The following NCKAP5 variants were observed in gnomAD, a reference collection of about 807,000 sequenced individuals.
NCKAP5 encodes nck-associated protein 5.
In NCKAP5, 92 loss-of-function variants were observed where a neutral mutation model predicts 167.0. That is an observed-to-expected ratio of 0.55 (90% CI 0.47 to 0.66). The LOEUF (loss-of-function observed/expected upper bound fraction) is 0.66. Among genes scored for constraint, NCKAP5 ranks in the 30% least tolerant of loss-of-function variants. The pLI, the probability that NCKAP5 is intolerant of heterozygous loss-of-function variation, is 0.00. For synonymous variants in NCKAP5, 891 were observed against 877.4 expected (o/e 1.02, Z -0.27); for missense variants, 2,378 against 2,315.0 (o/e 1.03, Z -0.56).
intron 3 of NCKAP5, among the ~76,000 whole-genome samples, chr2:133,429,159 G>C (rs1689998132): frequency 6.6e-6 from 1 of 152,112 alleles, no homozygotes; most frequent in African/African-American, 2.4e-5. Context: ...ATATTATACA[G>C]GAGTTACAAA....
intron 3 of NCKAP5, among the ~76,000 whole-genome samples, chr2:133,360,439 T>C (rs1293085328): frequency 2.0e-5 from 3 of 151,558 alleles, no homozygotes; most frequent in Non-Finnish European, 3.0e-5. Flanking sequence ...GGGTACCCAG[T>C]GTAGAAATCT....
the NCKAP5 span, among the ~76,000 whole-genome samples, chr2:133,666,020 A>C: frequency 6.6e-6 from 1 of 152,014 alleles, no homozygotes; most frequent in Non-Finnish European, 1.5e-5. Flanking sequence ...GAAAGTAAAA[A>C]TTATCTTCTC....
At chr2:133,336,890 C>T (rs534982983) in intron 3 of NCKAP5, among the ~76,000 whole-genome samples, 83 of 152,310 alleles carry the variant, frequency 5.4e-4, no homozygotes, top group African/African-American at 1.7e-3. Flanking sequence ...TACCGGGTCT[C>T]ACTGCCACAG....
At chr2:133,100,256 C>A (rs568143830) in intron 6 of NCKAP5, among the ~76,000 whole-genome samples, 4 of 152,288 alleles carry the variant, frequency 2.6e-5, no homozygotes, top group Non-Finnish European at 4.4e-5. Flanking sequence ...TGGAGTGGAT[C>A]CCACTTTAAT....
chr2:133,326,592 C>T (rs1315250718), intron 3 of NCKAP5, among the ~76,000 whole-genome samples: 1 of 151,970 alleles, frequency 6.6e-6, no homozygotes, highest in Non-Finnish European at 1.5e-5. Flanking sequence ...AGACATTTTC[C>T]AGCTCTTTAT....
chr2:133,031,481 C>T (rs1425771012), intron 6 of NCKAP5, among the ~76,000 whole-genome samples: 2 of 152,292 alleles, frequency 1.3e-5, no homozygotes, highest in East Asian at 3.9e-4. Flanking sequence ...CCACTGAGGG[C>T]CACATTGCTC....
rs73001159 is a variant in NCKAP5 at position 133,414,204 on chromosome 2, C to T, written c.69+103254G>A. Among the ~76,000 whole-genome samples the T allele has an allele frequency of 4.7e-3, 721 of 152,240 alleles. 12 individuals carry two copies. Among genetic ancestry groups the T allele is most frequent in the African/African-American group, 0.016 (655 of 41,524 alleles). On this transcript the variant is annotated intron_variant, in intron 3 of 19. Transcript: ENST00000409261. ...AAATACTCTGAAATTATTTATGAAA[C>T]AGGTATTAGGTAAGGTCCAATATAC... is the stretch of plus-strand genomic sequence containing the variant.
chr2:133,631,333 T>C, the NCKAP5 span, among the ~76,000 whole-genome samples: 6,637 of 152,306 alleles, frequency 0.044, 462 homozygotes, highest in African/African-American at 0.15. Context: ...CTTTAACTTA[T>C]GCAGTGTAAA....
chr2:132,841,113 T>G (rs1171877714), intron 11 of NCKAP5, among the ~76,000 whole-genome samples: 1 of 152,170 alleles, frequency 6.6e-6, no homozygotes. Flanking sequence ...ATATTGATTT[T>G]AAATATAATA....
chr2:133,038,762 G>A (rs990914645), intron 6 of NCKAP5, among the ~76,000 whole-genome samples: 1 of 151,802 alleles, frequency 6.6e-6, no homozygotes, highest in Non-Finnish European at 1.5e-5. Flanking sequence ...TACCTACTAT[G>A]TACCCAGAAA....
At chr2:133,168,449 C>T (rs71413543) in intron 5 of NCKAP5, among the ~76,000 whole-genome samples, 2 of 151,912 alleles carry the variant, frequency 1.3e-5, no homozygotes, top group Non-Finnish European at 2.9e-5. Flanking sequence ...TTTCATTATA[C>T]AGACTCTCAA....
rs191227984 is a variant in NCKAP5, at chr2:133,202,002, C to A, written c.207+11714G>T. On this transcript the variant is annotated intron_variant, in intron 5 of 19. Coordinates refer to ENST00000409261, the MANE Select transcript of NCKAP5 (RefSeq NM_207363.3). ...TTCAATGCCATCCCCATCAGGCTACCAATGACTTTCTTCACAGAGTTGGAA... is the reference window on the plus strand; with the variant it reads ...TTCAATGCCATCCCCATCAGGCTACAAATGACTTTCTTCACAGAGTTGGAA... Among the ~76,000 whole-genome samples the A allele has an allele frequency of 3.0e-4, 46 of 152,244 alleles. No individual in the cohort carries two copies. In the East Asian group the frequency reaches 7.5e-3, roughly 25 times the overall value.
At chr2:133,396,440 C>A (rs1687735255) in intron 3 of NCKAP5, among the ~76,000 whole-genome samples, 1 of 152,042 alleles carries the variant, frequency 6.6e-6, no homozygotes, top group South Asian at 2.1e-4. Flanking sequence ...AAATGCTTCT[C>A]ATATCACATT....
chr2:133,043,576 C>T (rs1025184798), intron 6 of NCKAP5, among the ~76,000 whole-genome samples: 2 of 152,144 alleles, frequency 1.3e-5, no homozygotes, highest in African/African-American at 2.4e-5. Context: ...CAAATTTGTA[C>T]TGGGCCATAT....
chr2:132,819,056 G>A (rs1442081613), intron 11 of NCKAP5, among the ~76,000 whole-genome samples: 2 of 151,980 alleles, frequency 1.3e-5, no homozygotes, highest in Non-Finnish European at 2.9e-5. Flanking sequence ...TGCATTAAAA[G>A]CATTATTCTG....
At chr2:132,913,235 G>A (rs1487123986) in intron 8 of NCKAP5, among the ~76,000 whole-genome samples, 1 of 152,058 alleles carries the variant, frequency 6.6e-6, no homozygotes, top group Non-Finnish European at 1.5e-5. Flanking sequence ...AATGTTATAT[G>A]TTAATCATGC....
chr2:133,571,354 A>G (rs1280930202), upstream of NCKAP5, among the ~76,000 whole-genome samples: 1 of 152,088 alleles, frequency 6.6e-6, no homozygotes, highest in African/African-American at 2.4e-5. Context: ...CATAAAAACA[A>G]AAGAGGGTGG....
At chr2:133,480,042 CTG>C (rs1680287071) in intron 3 of NCKAP5, among the ~76,000 whole-genome samples, 1 of 151,624 alleles carries the variant, frequency 6.6e-6, no homozygotes, top group Non-Finnish European at 1.5e-5. Context: ...AGCAATTCTC[CTG>C]CCTCAGCCTC....
At chr2:133,292,767 G>A (rs2150522582) in intron 4 of NCKAP5, among the ~76,000 whole-genome samples, 1 of 152,218 alleles carries the variant, frequency 6.6e-6, no homozygotes, top group South Asian at 2.1e-4. Flanking sequence ...TCAAATCCAA[G>A]CTTCTTGCGG....
Sources: gnomAD v4.1 joint callset for allele counts (sites outside exome capture counted in the v4.1 genomes callset) on GRCh38, gnomAD v4.1.1 for gene constraint, MANE v1.5 for transcripts, NCBI Gene and HGNC (gene_info 2026-07-23, HGNC 2026-07-21) for gene names.